Variants in STAU2 observed in about 807,000 individuals in gnomAD.
STAU2 encodes staufen double-stranded RNA binding protein 2.
A neutral mutation model predicts 65.9 loss-of-function variants in STAU2; 20 were observed. The observed-to-expected ratio is 0.30, with a 90% CI of 0.21 to 0.44. STAU2 has a LOEUF of 0.44. Ranked by LOEUF, STAU2 falls within the 20% of genes least tolerant of loss-of-function variation. The probability of loss-of-function intolerance (pLI) is 1.00; values close to 1 mark genes in which losing one functional copy is unlikely to be tolerated. For synonymous variants in STAU2, 232 were observed against 233.9 expected (o/e 0.99, Z 0.07); for missense variants, 558 against 683.9 (o/e 0.82, Z 2.05).
intron 1 of STAU2, among the ~76,000 whole-genome samples, chr8:73,742,758 G>A (rs1445514248): frequency 6.6e-6 from 1 of 151,814 alleles, no homozygotes; most frequent in Non-Finnish European, 1.5e-5. Flanking sequence ...TGCTCATGAA[G>A]AATGGCCCAA....
Position 73,568,922 on chromosome 8 carries a change from G to A in STAU2, c.1222+13848C>T, listed in dbSNP as rs375602710. 8.2e-4 allele frequency among the ~76,000 whole-genome samples: 125 copies of A among 152,212 alleles called. 3 individuals carry two copies. The South Asian group carries it at 0.021, about 25-fold the overall frequency. On this transcript the variant is annotated intron_variant, in intron 12 of 14. Coordinates refer to ENST00000524300, the MANE Select transcript of STAU2 (RefSeq NM_001164380.2). ...TCCCAGTGTGAGCGATGCAGAAGAC[G>A]GGTGATTTCTGCATTCCAACTGAGG...
intron 13 of STAU2, chr8:73,550,254 C>A (rs1807234322): frequency 1.0e-6 from 1 of 985,096 alleles, no homozygotes; most frequent in African/African-American, 1.7e-5. Context: ...ATTATGTAAG[C>A]ATAAGCTTTT....
At chr8:73,725,634 T>C (rs542739459) in intron 3 of STAU2, among the ~76,000 whole-genome samples, 1 of 152,198 alleles carries the variant, frequency 6.6e-6, no homozygotes, top group South Asian at 2.1e-4. Context: ...CCATCTCTAC[T>C]AAAAATAAAA....
At chr8:73,602,555 C>T (rs749708883) in intron 10 of STAU2, among the ~76,000 whole-genome samples, 14 of 151,844 alleles carry the variant, frequency 9.2e-5, no homozygotes, top group Non-Finnish European at 1.5e-4. Flanking sequence ...TAAACAACAA[C>T]AATAAAACAA....
At chr8:73,613,588 G>A (rs150537076) in intron 9 of STAU2, among the ~76,000 whole-genome samples, 156 bp downstream of exon 9, 326 of 152,224 alleles carry the variant, frequency 2.1e-3, no homozygotes, top group African/African-American at 7.2e-3. Context: ...AAGCAAAATA[G>A]AATTGTCATT....
chr8:73,430,138 A>C (rs1228428023), intron 13 of STAU2, among the ~76,000 whole-genome samples: 1 of 152,192 alleles, frequency 6.6e-6, no homozygotes, highest in Non-Finnish European at 1.5e-5. Context: ...ATTTCTCTGA[A>C]AATTCTTTTT....
intron 13 of STAU2, among the ~76,000 whole-genome samples, chr8:73,503,193 A>C (rs1159511363): frequency 2.0e-5 from 3 of 152,164 alleles, no homozygotes; most frequent in Non-Finnish European, 4.4e-5. Context: ...CACGCTGCAT[A>C]GCACAGTGTA....
At chr8:73,449,894 T>A (rs988756958) in intron 13 of STAU2, among the ~76,000 whole-genome samples, 2 of 152,204 alleles carry the variant, frequency 1.3e-5, no homozygotes, top group Non-Finnish European at 2.9e-5. Context: ...GGTCACTATC[T>A]GGACCCAGCC....
rs1812919703 is a variant in STAU2 at position 73,617,552 on chromosome 8, T to C, written c.411-101A>G. The C allele has an allele frequency of 8.6e-6, 10 of 1,163,598 alleles. No individual in the cohort carries two copies. The South Asian group carries it at 1.5e-4, about 18-fold the overall frequency. 72.1% of individuals were successfully genotyped at this position (1,163,598 alleles called of 1,614,324 possible). A position where few individuals can be genotyped will look rare whatever the true frequency, so the allele number is the denominator to read the frequency against. Reference sequence around the variant, plus strand: ...ATGATACCAATTATATAATGTGCTATACTCTTAATAAAACTTTAACCTCAA... The same window carrying C: ...ATGATACCAATTATATAATGTGCTACACTCTTAATAAAACTTTAACCTCAA... On this transcript the variant is annotated intron_variant, in intron 6 of 14. Coordinates refer to ENST00000524300, the MANE Select transcript of STAU2 (RefSeq NM_001164380.2).
chr8:73,736,179 G>A (rs1437855482), intron 3 of STAU2, among the ~76,000 whole-genome samples: 2 of 152,308 alleles, frequency 1.3e-5, no homozygotes, highest in East Asian at 1.9e-4. Context: ...ACATGAGGGA[G>A]AGTTAGTTGC....
chr8:73,456,529 A>G (rs1049427373), intron 13 of STAU2, among the ~76,000 whole-genome samples: 1 of 152,036 alleles, frequency 6.6e-6, no homozygotes, highest in African/African-American at 2.4e-5. Context: ...AGAGTTTGCT[A>G]AGTGGGAGGG....
intron 11 of STAU2, among the ~76,000 whole-genome samples, chr8:73,594,223 A>G (rs1811023479): frequency 6.6e-6 from 1 of 152,206 alleles, no homozygotes; most frequent in Non-Finnish European, 1.5e-5. Context: ...GGTTATAAAA[A>G]CAGAATTGAA....
chr8:73,690,499 C>A (rs1181512807), intron 4 of STAU2, among the ~76,000 whole-genome samples: 1 of 151,924 alleles, frequency 6.6e-6, no homozygotes, highest in Non-Finnish European at 1.5e-5. Context: ...TAGGTTTAGC[C>A]AGGATTAAAT....
intron 5 of STAU2, among the ~76,000 whole-genome samples, chr8:73,679,807 G>A (rs978558090): frequency 6.6e-6 from 1 of 150,978 alleles, no homozygotes; most frequent in Non-Finnish European, 1.5e-5. Flanking sequence ...AGAATTGCTT[G>A]AGCCCAGGAG....
chr8:73,601,121 A>C (rs926915339), intron 10 of STAU2, among the ~76,000 whole-genome samples: 8 of 152,358 alleles, frequency 5.3e-5, no homozygotes, highest in African/African-American at 1.9e-4. Context: ...ACCATGCAGT[A>C]AATTTAAGAC....
chr8:73,525,827 G>A (rs1222963446), intron 13 of STAU2, among the ~76,000 whole-genome samples: 1 of 152,204 alleles, frequency 6.6e-6, no homozygotes, highest in African/African-American at 2.4e-5. Flanking sequence ...TAGCTACACT[G>A]TACTTGCCCA....
At chr8:73,661,736 T>C (rs1816847019) in intron 6 of STAU2, among the ~76,000 whole-genome samples, 2 of 152,216 alleles carry the variant, frequency 1.3e-5, no homozygotes, top group South Asian at 2.1e-4. Flanking sequence ...GCTCAGCATA[T>C]TGTTTCTGAG....
At chr8:73,719,323 C>T (rs931241452) in intron 3 of STAU2, among the ~76,000 whole-genome samples, 4 of 151,780 alleles carry the variant, frequency 2.6e-5, no homozygotes, top group Admixed American at 6.6e-5. Context: ...GAGAATGGCA[C>T]GAACTCACAA....
rs558988485 is a variant in STAU2, at chr8:73,719,934, GT to G, written c.-17-10773del. On this transcript the variant is annotated intron_variant, in intron 3 of 14. Transcript: ENST00000524300. ...ACCAGTGAAACTATCCGGACCTAGAGTTTTCTTTTTAAGTAGACTTTTACTA... is the reference window on the plus strand; with the variant it reads ...ACCAGTGAAACTATCCGGACCTAGAGTTTCTTTTTAAGTAGACTTTTACTA... Among the ~76,000 whole-genome samples, 83 of 152,148 alleles carry G rather than the reference GT, an allele frequency of 5.5e-4. 1 individual carries two copies. The highest frequency in any genetic ancestry group is 1.8e-3 in the African/African-American group (76 of 41,496).
Sources: gnomAD v4.1 joint callset for allele counts (sites outside exome capture counted in the v4.1 genomes callset) on GRCh38, gnomAD v4.1.1 for gene constraint, MANE v1.5 for transcripts, NCBI Gene and HGNC (gene_info 2026-07-23, HGNC 2026-07-21) for gene names.